Variants in GABBR2 observed in about 807,000 individuals in gnomAD.
GABBR2 encodes gamma-aminobutyric acid type B receptor subunit 2.
A neutral mutation model predicts 105.6 loss-of-function variants in GABBR2; 23 were observed. The observed-to-expected ratio is 0.22, with a 90% CI of 0.16 to 0.31. The LOEUF (loss-of-function observed/expected upper bound fraction) is 0.31. Ranked by LOEUF, GABBR2 falls within the 10% of genes least tolerant of loss-of-function variation. The pLI is 1.00. For synonymous variants in GABBR2, 478 were observed against 499.7 expected (o/e 0.96, Z 0.58); for missense variants, 734 against 1,245.5 (o/e 0.59, Z 6.18).
chr9:98,314,970 C>T (rs1830691263), intron 13 of GABBR2, among the ~76,000 whole-genome samples: 1 of 152,190 alleles, frequency 6.6e-6, no homozygotes, highest in African/African-American at 2.4e-5. Flanking sequence ...AATCTTCCAC[C>T]AGTGATTCAT....
At chr9:98,482,850 G>C (rs7866071) in intron 4 of GABBR2, among the ~76,000 whole-genome samples, 36,718 of 151,818 alleles carry the variant, frequency 0.24, 4,873 homozygotes, top group East Asian at 0.52. Context: ...CCTCGTGCCT[G>C]CCTGGCCACT....
intron 13 of GABBR2, among the ~76,000 whole-genome samples, chr9:98,324,971 C>T (rs936992778): frequency 6.6e-6 from 1 of 152,152 alleles, no homozygotes; most frequent in Admixed American, 6.5e-5. Context: ...TATAAGTCTT[C>T]TGAGGTTACA....
At chr9:98,292,573 G>A (rs1830318629) in intron 18 of GABBR2, among the ~76,000 whole-genome samples, 1 of 152,202 alleles carries the variant, frequency 6.6e-6, no homozygotes, top group Non-Finnish European at 1.5e-5. Flanking sequence ...CAGTGTTGGA[G>A]ATCTCATTCT....
intron 2 of GABBR2, among the ~76,000 whole-genome samples, chr9:98,547,098 G>A (rs565179205): frequency 8.4e-6 from 1 of 118,392 alleles, no homozygotes; most frequent in African/African-American, 2.7e-5. Flanking sequence ...TCATTTGTAG[G>A]TACCCAGTTT....
chr9:98,510,430 T>G (rs1383797975), intron 3 of GABBR2, among the ~76,000 whole-genome samples: 1 of 152,182 alleles, frequency 6.6e-6, no homozygotes, highest in Non-Finnish European at 1.5e-5. Flanking sequence ...ATATTAATTT[T>G]AAATGTAAAT....
chr9:98,518,957 C>A (rs1409538759), intron 3 of GABBR2, among the ~76,000 whole-genome samples: 1 of 152,216 alleles, frequency 6.6e-6, no homozygotes, highest in Non-Finnish European at 1.5e-5. Flanking sequence ...GGAGCAGGGT[C>A]TGAAACTGTG....
At chr9:98,408,983 A>G (rs1832538425) in intron 7 of GABBR2, among the ~76,000 whole-genome samples, 1 of 152,194 alleles carries the variant, frequency 6.6e-6, no homozygotes, top group African/African-American at 2.4e-5. Flanking sequence ...TAGTTAGGGA[A>G]GACTCCGCTC....
intron 13 of GABBR2, among the ~76,000 whole-genome samples, chr9:98,329,355 C>T (rs1008532035): frequency 3.9e-5 from 6 of 152,162 alleles, no homozygotes; most frequent in Admixed American, 1.3e-4. Context: ...GGGTCGTTTC[C>T]GGCTCTGAAA....
chr9:98,434,817 G>A (rs1034043814), intron 7 of GABBR2, among the ~76,000 whole-genome samples: 1 of 152,244 alleles, frequency 6.6e-6, no homozygotes, highest in Non-Finnish European at 1.5e-5. Flanking sequence ...CAAGGAGGCT[G>A]TGCCACCAGG....
chr9:98,460,407 G>A (rs893685836), intron 6 of GABBR2, among the ~76,000 whole-genome samples: 6 of 152,084 alleles, frequency 3.9e-5, no homozygotes, highest in African/African-American at 1.2e-4. Context: ...AGCAAGGTTT[G>A]TATGTTCAAG....
At chr9:98,703,251 G>A (rs1830853964) in intron 1 of GABBR2, among the ~76,000 whole-genome samples, 1 of 152,198 alleles carries the variant, frequency 6.6e-6, no homozygotes, top group Admixed American at 6.5e-5. Flanking sequence ...GAGGCAGAGA[G>A]GAAGATATTT....
At chr9:98,465,045 C>T (rs759801532) in intron 6 of GABBR2, among the ~76,000 whole-genome samples, 1 of 148,146 alleles carries the variant, frequency 6.8e-6, no homozygotes, top group Non-Finnish European at 1.5e-5. Context: ...TATCTGCTGA[C>T]CTTCTCTCCA....
intron 13 of GABBR2, among the ~76,000 whole-genome samples, chr9:98,349,473 C>T (rs1201552402): frequency 6.7e-6 from 1 of 149,904 alleles, no homozygotes; most frequent in East Asian, 2.0e-4. Context: ...CCTGTCTCAG[C>T]CTCCCAAGTA....
chr9:98,381,286 G>A (rs894395340), intron 11 of GABBR2, among the ~76,000 whole-genome samples: 2 of 152,242 alleles, frequency 1.3e-5, no homozygotes, highest in Admixed American at 1.3e-4. Flanking sequence ...GTAAGTGGAG[G>A]AGGTGGCAGT....
chr9:98,688,812 A>C (rs1198579826), intron 1 of GABBR2, among the ~76,000 whole-genome samples: 1 of 152,170 alleles, frequency 6.6e-6, no homozygotes, highest in Non-Finnish European at 1.5e-5. Context: ...GACAGCTGGG[A>C]GGGGCGTTCC....
intron 1 of GABBR2, among the ~76,000 whole-genome samples, chr9:98,587,301 C>T (rs914459938): frequency 1.3e-5 from 2 of 152,174 alleles, no homozygotes; most frequent in African/African-American, 4.8e-5. Context: ...CAATCACCTC[C>T]CGCATTCTGA....
intron 13 of GABBR2, among the ~76,000 whole-genome samples, chr9:98,344,614 G>T (rs115039790): frequency 6.6e-6 from 1 of 151,980 alleles, no homozygotes; most frequent in East Asian, 1.9e-4. Flanking sequence ...ATCTGCCTGG[G>T]GACAGCTCTC....
intron 13 of GABBR2, among the ~76,000 whole-genome samples, chr9:98,359,003 T>A (rs1275673120): frequency 6.6e-6 from 1 of 152,202 alleles, no homozygotes; most frequent in African/African-American, 2.4e-5. Flanking sequence ...CTCAGTTTCC[T>A]CATCTATAAA....
chr9:98,290,528 C>A lies in GABBR2; in HGVS notation c.*56G>T. On this transcript the variant is annotated 3_prime_UTR_variant, in exon 19 of 19. Coordinates refer to ENST00000259455, the MANE Select transcript of GABBR2 (RefSeq NM_005458.8). The stretch of plus-strand genomic sequence containing the variant: ...GCCGACAGTGTTTCTGCAGCAGACC[C>A]CTCTGCCCAGTGTGGTTCTGTCACG... 8.3e-7 allele frequency: 1 copy of A among 1,206,628 alleles called. No individual in the cohort carries two copies. Among genetic ancestry groups the A allele is most frequent in the East Asian group, 3.0e-5 (1 of 32,998 alleles). The allele number at this position is 1,206,628 out of a possible 1,614,324, so 74.7% of individuals were successfully genotyped here. A position where few individuals can be genotyped will look rare whatever the true frequency, so the allele number is the denominator to read the frequency against.
Sources: allele counts gnomAD v4.1 joint callset (sites outside exome capture counted in the v4.1 genomes callset), GRCh38; gene constraint gnomAD v4.1.1; transcripts MANE v1.5; gene names NCBI Gene and HGNC (gene_info 2026-07-23, HGNC 2026-07-21).